Variants in TBC1D22B observed in about 807,000 individuals in gnomAD.
TBC1D22B encodes the protein TBC1 domain family member 22B, also known as chromosome 6 open reading frame 197.
Under a neutral mutation model 69.1 loss-of-function variants are expected in TBC1D22B, and 32 were observed. The observed-to-expected ratio is 0.46, with a 90% CI of 0.35 to 0.62. The LOEUF (loss-of-function observed/expected upper bound fraction) is 0.62. Among genes scored for constraint, TBC1D22B ranks in the 20% least tolerant of loss-of-function variants. The pLI, the probability that TBC1D22B is intolerant of heterozygous loss-of-function variation, is 0.00. For missense variants in TBC1D22B, 462 were observed against 630.9 expected (o/e 0.73, Z 2.87); for synonymous variants, 206 against 229.8 (o/e 0.90, Z 0.94).
chr6:37,259,569 A>G (rs1018732706), intron 1 of TBC1D22B, among the ~76,000 whole-genome samples: 2 of 152,104 alleles, frequency 1.3e-5, no homozygotes, highest in Non-Finnish European at 2.9e-5. Flanking sequence ...TTTTTTTCCT[A>G]TATTTCCTGT....
At chr6:37,265,211 G>T (rs995124922) in intron 1 of TBC1D22B, among the ~76,000 whole-genome samples, 11 of 152,180 alleles carry the variant, frequency 7.2e-5, no homozygotes, top group African/African-American at 2.7e-4. Flanking sequence ...AGCACCTTGG[G>T]CTGACAGCTT....
chr6:37,309,164 G>A (rs944451040), intron 8 of TBC1D22B, among the ~76,000 whole-genome samples: 8 of 152,176 alleles, frequency 5.3e-5, no homozygotes, highest in Non-Finnish European at 1.2e-4. Context: ...ATGAGGAATT[G>A]AGACACAGAA....
At chr6:37,286,971 G>C in intron 6 of TBC1D22B, 36 bp from the exon 7 acceptor site, 1 of 1,572,536 alleles carries the variant, frequency 6.4e-7, no homozygotes, top group Non-Finnish European at 8.6e-7. Flanking sequence ...AAAAAAACTG[G>C]CATTTGTGTT....
At chr6:37,328,648 G>A (rs1434675507) in intron 12 of TBC1D22B, among the ~76,000 whole-genome samples, 1 of 152,108 alleles carries the variant, frequency 6.6e-6, no homozygotes, top group Non-Finnish European at 1.5e-5. Flanking sequence ...GAAAAGGACT[G>A]GAAGGAAATA....
intron 12 of TBC1D22B, among the ~76,000 whole-genome samples, chr6:37,318,488 G>C (rs1344757079): frequency 6.6e-6 from 1 of 152,218 alleles, no homozygotes; most frequent in Non-Finnish European, 1.5e-5. Context: ...GTTTGAAAGA[G>C]AGATCTGGAC....
intron 8 of TBC1D22B, among the ~76,000 whole-genome samples, chr6:37,309,051 A>G (rs1767823839): frequency 6.6e-6 from 1 of 152,124 alleles, no homozygotes; most frequent in African/African-American, 2.4e-5. Flanking sequence ...TGTAATGCTT[A>G]CTTTATGCCA....
chr6:37,331,105 T>C lies in TBC1D22B; in HGVS notation c.1451T>C (p.Leu484Pro). 1 of 1,614,200 alleles carries C rather than the reference T, an allele frequency of 6.2e-7. No individual in the cohort carries two copies. Among genetic ancestry groups the C allele is most frequent in the Non-Finnish European group, 8.5e-7 (1 of 1,180,024 alleles). ...TIHWGNEEIG[L>P]LLAEAYRLKY... ...CACTGGGGCAACGAAGAAATTGGGC[T>C]GCTTCTCGCCGAGGCATACAGACTC... The change falls in exon 13 of 13, where the codon CTG (leucine) becomes CCG (proline). Residue 484 changes from leucine to proline, a missense_variant. Coordinates refer to ENST00000373491, the MANE Select transcript of TBC1D22B (RefSeq NM_017772.4).
chr6:37,276,493 G>C (rs1376539475), intron 2 of TBC1D22B, among the ~76,000 whole-genome samples: 2 of 152,092 alleles, frequency 1.3e-5, no homozygotes, highest in Non-Finnish European at 2.9e-5. Context: ...TTATGTCATG[G>C]GGAATGACAG....
intron 12 of TBC1D22B, among the ~76,000 whole-genome samples, chr6:37,320,454 G>A (rs1404277237): frequency 6.6e-6 from 1 of 152,122 alleles, no homozygotes; most frequent in Non-Finnish European, 1.5e-5. Flanking sequence ...TATAGACCTC[G>A]AAACAGTGAG....
intron 2 of TBC1D22B, among the ~76,000 whole-genome samples, chr6:37,275,320 T>G (rs1258409550): frequency 2.0e-5 from 3 of 152,140 alleles, no homozygotes; most frequent in African/African-American, 4.8e-5. Context: ...GACCTAAGTC[T>G]TTTCCTACAA....
intron 7 of TBC1D22B, 114 bp downstream of exon 7, chr6:37,287,186 G>T (rs538428242): frequency 1.5e-4 from 110 of 742,104 alleles, no homozygotes; most frequent in Admixed American, 7.3e-4. Context: ...TGCAGCTTTG[G>T]TTCCTTCAGA....
chr6:37,329,042 TAA>T (rs5875574), intron 12 of TBC1D22B, among the ~76,000 whole-genome samples: 1 of 151,206 alleles, frequency 6.6e-6, no homozygotes, highest in African/African-American at 2.4e-5. Context: ...TAGTTATTAC[TAA>T]AAAAAAAAGT....
intron 6 of TBC1D22B, among the ~76,000 whole-genome samples, chr6:37,284,847 G>GT (rs1036849048): frequency 6.6e-6 from 1 of 152,086 alleles, no homozygotes; most frequent in African/African-American, 2.4e-5. Flanking sequence ...CAACCACACT[G>GT]TGAGTAGTAA....
chr6:37,291,389 TA>T, intron 8 of TBC1D22B, 32 bp downstream of exon 8: 1 of 1,441,094 alleles, frequency 6.9e-7, no homozygotes, highest in Non-Finnish European at 9.5e-7. Flanking sequence ...CTGAACAAGC[TA>T]TTGCTCTTTC....
intron 8 of TBC1D22B, among the ~76,000 whole-genome samples, chr6:37,310,889 C>A (rs1188671182): frequency 2.0e-5 from 3 of 152,140 alleles, no homozygotes; most frequent in Non-Finnish European, 4.4e-5. Context: ...TCCAATAAAG[C>A]TTTAAGAAAA....
chr6:37,317,266 T>C, intron 12 of TBC1D22B, 60 bp downstream of exon 12: 1 of 1,492,780 alleles, frequency 6.7e-7, no homozygotes, highest in Non-Finnish European at 9.1e-7. Flanking sequence ...AGTTAGCCCC[T>C]CAGTGGGCAG....
intron 2 of TBC1D22B, among the ~76,000 whole-genome samples, chr6:37,277,432 T>C (rs1293340869): frequency 2.0e-5 from 3 of 151,936 alleles, no homozygotes; most frequent in African/African-American, 7.3e-5. Context: ...AGTTTTATTT[T>C]CTTTGATTTG....
At chr6:37,275,958 C>CTTTTTT (rs902014842) in intron 2 of TBC1D22B, among the ~76,000 whole-genome samples, 1 of 144,200 alleles carries the variant, frequency 6.9e-6, no homozygotes, top group African/African-American at 2.7e-5. Flanking sequence ...TCATTCTTTT[C>CTTTTTT]TTTTTTTCTT....
At chr6:37,267,976 G>A (rs1477061462) in intron 1 of TBC1D22B, among the ~76,000 whole-genome samples, 4 of 152,004 alleles carry the variant, frequency 2.6e-5, no homozygotes, top group Non-Finnish European at 5.9e-5. Flanking sequence ...ATATTACTTT[G>A]ATGTTCTCTT....
Sources: allele counts gnomAD v4.1 joint callset (sites outside exome capture counted in the v4.1 genomes callset), GRCh38; gene constraint gnomAD v4.1.1; transcripts MANE v1.5; gene names NCBI Gene and HGNC (gene_info 2026-07-23, HGNC 2026-07-21).